CHKA: variants seen among roughly 807,000 people sequenced by gnomAD.
CHKA encodes the protein CHETK-alpha.
In CHKA, 34 loss-of-function variants were observed where a neutral mutation model predicts 60.1. That is an observed-to-expected ratio of 0.57 (90% CI 0.43 to 0.75). The LOEUF is 0.75. Among genes scored for constraint, CHKA ranks in the 30% least tolerant of loss-of-function variants. The probability of loss-of-function intolerance (pLI) is 0.00; values close to 1 mark genes in which losing one functional copy is unlikely to be tolerated. For missense variants in CHKA, 563 were observed against 561.3 expected (o/e 1.00, Z -0.03); for synonymous variants, 217 against 223.1 (o/e 0.97, Z 0.24).
intron 2 of CHKA, 133 bp from the exon 3 acceptor site, chr11:68,081,590 T>A (rs1193169769): frequency 4.5e-6 from 3 of 664,902 alleles, no homozygotes; most frequent in Non-Finnish European, 5.3e-6. Context: ...AGCCCACCGA[T>A]GTGACGGGCA....
In CHKA at chr11:68,064,638, A is replaced by G; in HGVS notation, c.1126-7T>C. 1 of 1,529,424 alleles carries G rather than the reference A, an allele frequency of 6.5e-7. No individual in the cohort carries two copies. The highest frequency in any genetic ancestry group is 1.2e-5 in the South Asian group (1 of 83,694). 94.7% of individuals were successfully genotyped at this position (1,529,424 alleles called of 1,614,324 possible). ...AACTGGAAATAAAATGGAGCTTAAA[A>G]AAAAGTAATTGTGTTAGGATCAATG... On this transcript the variant is annotated splice_polypyrimidine_tract_variant and splice_region_variant and intron_variant, in intron 9 of 11. Coordinates refer to ENST00000265689, the MANE Select transcript of CHKA (RefSeq NM_001277.3).
At chr11:68,058,043 C>T (rs1371771890) in intron 11 of CHKA, among the ~76,000 whole-genome samples, 1 of 152,216 alleles carries the variant, frequency 6.6e-6, no homozygotes, top group African/African-American at 2.4e-5. Context: ...GCATGTGCTA[C>T]AGACACCCAG....
chr11:68,077,426 CT>C (rs951445165), intron 3 of CHKA, among the ~76,000 whole-genome samples: 6 of 152,318 alleles, frequency 3.9e-5, no homozygotes, highest in Non-Finnish European at 7.3e-5. Flanking sequence ...ACAGACATGG[CT>C]GGGTTCTCTC....
intron 7 of CHKA, among the ~76,000 whole-genome samples, chr11:68,068,428 T>C (rs1590840700): frequency 6.6e-6 from 1 of 152,252 alleles, no homozygotes; most frequent in East Asian, 1.9e-4. Context: ...GTAATTTTTT[T>C]TTTTTTTTTA....
rs1177576844 is a variant in CHKA, at chr11:68,115,426, T to G, written c.350+5402A>C. ...TAATATGTCAATGTAGGTTCCTCAG[T>G]TGTAACAAATGTCCCATTCTGGTGG... On this transcript the variant is annotated intron_variant, in intron 1 of 11. Coordinates refer to ENST00000265689, the MANE Select transcript of CHKA (RefSeq NM_001277.3). 2.6e-5 allele frequency among the ~76,000 whole-genome samples: 4 copies of G among 152,188 alleles called. No individual in the cohort carries two copies. In the East Asian group the frequency reaches 7.7e-4, roughly 29 times the overall value.
Position 68,107,837 on chromosome 11 carries a change from T to G in CHKA, c.351-10707A>C, listed in dbSNP as rs188058294. Among the ~76,000 whole-genome samples the G allele has an allele frequency of 2.0e-5, 3 of 152,298 alleles. No homozygotes were observed. The East Asian group carries it at 5.8e-4, about 29-fold the overall frequency. ...TCCCTCCCACTTTCTCATAAAGTGC[T>G]TGCATCCCTTCTAGCCCACGCTGAC... On this transcript the variant is annotated intron_variant, in intron 1 of 11. Coordinates refer to ENST00000265689, the MANE Select transcript of CHKA (RefSeq NM_001277.3).
intron 1 of CHKA, among the ~76,000 whole-genome samples, chr11:68,097,946 C>T (rs1857567412): frequency 6.6e-6 from 1 of 152,040 alleles, no homozygotes; most frequent in African/African-American, 2.4e-5. Context: ...AGATAGGAGG[C>T]AAAGCTGGAG....
chr11:68,066,331 A>T (rs1851526018), intron 8 of CHKA, 98 bp downstream of exon 8: 1 of 1,014,648 alleles, frequency 9.9e-7, no homozygotes, highest in African/African-American at 1.6e-5. Context: ...TGCAACTCAG[A>T]GCGGCATTTT....
At position 68,074,806 on chromosome 11, in the gene CHKA, T is replaced by C; in HGVS notation, c.541A>G (p.Ser181Gly). The C allele has an allele frequency of 6.2e-7, 1 of 1,614,160 alleles. No homozygotes were observed. Among genetic ancestry groups the C allele is most frequent in the Non-Finnish European group, 8.5e-7 (1 of 1,180,034 alleles). Reference sequence around the variant, plus strand: ...TCTGCGAGAATGGCAAACATAACGCTCTCCAGAACCATGGCCTCAGCCCCC... The same window carrying C: ...TCTGCGAGAATGGCAAACATAACGCCCTCCAGAACCATGGCCTCAGCCCCC... ...FQGAEAMVLE[S>G]VMFAILAERS... Residue 181 changes from serine (S) to glycine (G), a missense_variant, in exon 4 of 12, where the codon AGC becomes GGC. Coordinates refer to ENST00000265689, the MANE Select transcript of CHKA (RefSeq NM_001277.3).
intron 10 of CHKA, among the ~76,000 whole-genome samples, chr11:68,062,249 G>A (rs765163323): frequency 2.0e-5 from 3 of 152,194 alleles, no homozygotes; most frequent in Non-Finnish European, 2.9e-5. Context: ...AGGTGCACTG[G>A]TGAGTGTGAA....
chr11:68,085,255 G>A lies in CHKA; in HGVS notation c.463-3798C>T, dbSNP rs369752962. Among the ~76,000 whole-genome samples, 14 of 152,174 alleles carry A rather than the reference G, an allele frequency of 9.2e-5. No homozygotes were observed. The East Asian group carries it at 2.7e-3, about 29-fold the overall frequency. ...AAAAAAAATTTGGAGACTGGGTCTC[G>A]CTCTGTCTCTCAGGTTGGAGTGCAG... On this transcript the variant is annotated intron_variant, in intron 2 of 11. Coordinates refer to ENST00000265689, the MANE Select transcript of CHKA (RefSeq NM_001277.3).
intron 2 of CHKA, among the ~76,000 whole-genome samples, chr11:68,091,307 A>G (rs1857342320): frequency 6.6e-6 from 1 of 151,978 alleles, no homozygotes; most frequent in Non-Finnish European, 1.5e-5. Context: ...TCTCATTTCC[A>G]TTAAAATTAA....
chr11:68,098,676 A>C (rs953169499), intron 1 of CHKA, among the ~76,000 whole-genome samples: 1 of 152,022 alleles, frequency 6.6e-6, no homozygotes, highest in Non-Finnish European at 1.5e-5. Flanking sequence ...ATTTTACCAC[A>C]ATTTTACTTG....
intron 1 of CHKA, among the ~76,000 whole-genome samples, chr11:68,120,191 T>C (rs1590892679): frequency 6.8e-6 from 1 of 147,420 alleles, no homozygotes; most frequent in East Asian, 2.0e-4. Context: ...GTCGCGCCAC[T>C]GCACTCCAGC....
intron 2 of CHKA, among the ~76,000 whole-genome samples, chr11:68,090,838 ACGGTGAGG>A (rs940591295): frequency 9.2e-5 from 14 of 152,228 alleles, no homozygotes; most frequent in African/African-American, 3.1e-4. Flanking sequence ...ACCGCTCATA[ACGGTGAGG>A]CCAAATCTCT....
chr11:68,085,558 T>C (rs1212770482), intron 2 of CHKA, among the ~76,000 whole-genome samples: 1 of 152,128 alleles, frequency 6.6e-6, no homozygotes, highest in Non-Finnish European at 1.5e-5. Flanking sequence ...ACTTTTAAAT[T>C]TAAAAACTAA....
chr11:68,061,715 C>A, intron 11 of CHKA: 1 of 568,230 alleles, frequency 1.8e-6, no homozygotes, highest in Non-Finnish European at 3.3e-6. Context: ...GTCAGCTGGC[C>A]TGGAAGTGAG....
At chr11:68,073,553 T>G (rs1334057828) in intron 4 of CHKA, among the ~76,000 whole-genome samples, 1 of 152,126 alleles carries the variant, frequency 6.6e-6, no homozygotes, top group Non-Finnish European at 1.5e-5. Context: ...GAAGGCACCA[T>G]CCACTCATCT....
At chr11:68,079,582 T>C (rs1856909654) in intron 3 of CHKA, among the ~76,000 whole-genome samples, 2 of 151,916 alleles carry the variant, frequency 1.3e-5, no homozygotes, top group East Asian at 1.9e-4. Context: ...CCACCCACCT[T>C]GGCCTCCCAA....
Sources: allele counts gnomAD v4.1 joint callset (sites outside exome capture counted in the v4.1 genomes callset), GRCh38; gene constraint gnomAD v4.1.1; transcripts MANE v1.5; gene names NCBI Gene and HGNC (gene_info 2026-07-23, HGNC 2026-07-21).